The following MIA2 variants were observed in gnomAD, a reference collection of about 807,000 sequenced individuals.
MIA2 encodes MIA SH3 domain ER export factor 2.
In MIA2, 127 loss-of-function variants were observed where a neutral mutation model predicts 167.8. The observed-to-expected ratio is 0.76, with a 90% confidence interval of 0.66 to 0.88. The LOEUF (loss-of-function observed/expected upper bound fraction) is 0.88, where lower values mean the gene tolerates loss of function less well. Among genes scored for constraint, MIA2 ranks in the 40% least tolerant of loss-of-function variants. The pLI is 0.00. For missense variants in MIA2, 1,690 were observed against 1,624.7 expected, an observed-to-expected ratio of 1.04 and a Z score of -0.69; for synonymous variants, 552 against 541.9, an observed-to-expected ratio of 1.02 and a Z score of -0.26.
intron 2 of MIA2, among the ~76,000 whole-genome samples, chr14:39,238,254 C>T (rs1285179929): frequency 6.6e-6 from 1 of 151,360 alleles, no homozygotes; most frequent in East Asian, 2.0e-4. Context: ...CTCACTGCAA[C>T]CTCTACTTCC....
At chr14:39,384,870 G>A (rs1454049188) in intron 23 of MIA2, among the ~76,000 whole-genome samples, 1 of 152,160 alleles carries the variant, frequency 6.6e-6, no homozygotes, top group South Asian at 2.1e-4. Context: ...TGGGAAAAAC[G>A]TGAAAGGATT....
chr14:39,354,816 G>T (rs1023219340), downstream of MIA2, among the ~76,000 whole-genome samples: 4 of 152,160 alleles, frequency 2.6e-5, no homozygotes, highest in African/African-American at 4.8e-5. Flanking sequence ...ATTAAATAGA[G>T]AATCCTTTCC....
chr14:39,316,208 T>A (rs1459407023), intron 21 of MIA2, among the ~76,000 whole-genome samples: 2 of 152,246 alleles, frequency 1.3e-5, no homozygotes, highest in Admixed American at 1.3e-4. Context: ...ATAGTGTATT[T>A]GTGCTCCAGA....
At chr14:39,381,793 A>G (rs1011448216) in intron 23 of MIA2, among the ~76,000 whole-genome samples, 1 of 152,036 alleles carries the variant, frequency 6.6e-6, no homozygotes, top group Non-Finnish European at 1.5e-5. Flanking sequence ...GTCAAACCCA[A>G]TGGGAAAAAG....
chr14:39,342,594 T>A (rs1157823481), intron 25 of MIA2, among the ~76,000 whole-genome samples: 1 of 152,166 alleles, frequency 6.6e-6, no homozygotes, highest in Non-Finnish European at 1.5e-5. Context: ...CACACTGACT[T>A]CCACAATGGT....
chr14:39,243,589 G>A (rs1039962090), intron 3 of MIA2, among the ~76,000 whole-genome samples: 1 of 152,192 alleles, frequency 6.6e-6, no homozygotes, highest in Non-Finnish European at 1.5e-5. Flanking sequence ...AACCAGGCTG[G>A]GGGTGGTGGC....
At chr14:39,304,457 T>C (rs1251072432) in intron 17 of MIA2, 76 bp downstream of exon 17, 3 of 789,000 alleles carry the variant, frequency 3.8e-6, no homozygotes, top group Non-Finnish European at 5.9e-6. Context: ...TAAAAATGAA[T>C]TGAATTAACT....
chr14:39,290,547 T>C (rs1016833846), intron 9 of MIA2, among the ~76,000 whole-genome samples: 3 of 152,214 alleles, frequency 2.0e-5, no homozygotes, highest in African/African-American at 7.2e-5. Flanking sequence ...TTGTATGGTA[T>C]GGATTAAAAG....
chr14:39,246,763 T>C (rs2054334174), intron 3 of MIA2, 148 bp from the exon 4 acceptor site: 1 of 460,442 alleles, frequency 2.2e-6, no homozygotes, highest in Non-Finnish European at 3.8e-6. Context: ...TTGAAGTCAG[T>C]TGTGATACAA....
chr14:39,283,606 T>TG (rs2059243714), intron 9 of MIA2, among the ~76,000 whole-genome samples: 1 of 152,200 alleles, frequency 6.6e-6, no homozygotes. Flanking sequence ...TAGGTAAACT[T>TG]GCGTCCTGGG....
chr14:39,381,365 A>G (rs1239966613), intron 23 of MIA2, among the ~76,000 whole-genome samples: 2 of 152,254 alleles, frequency 1.3e-5, no homozygotes, highest in Non-Finnish European at 2.9e-5. Flanking sequence ...ACATCTTGAT[A>G]GCAGCTTTTA....
In MIA2 at chr14:39,347,707, G is replaced by A. The variant is rs745422893; in HGVS notation, c.3779-6G>A. The A allele has an allele frequency of 6.8e-6, 11 of 1,608,904 alleles. No individual in the cohort carries two copies. Among genetic ancestry groups the A allele is most frequent in the South Asian group, 1.1e-5 (1 of 90,800 alleles). On this transcript the variant is annotated splice_polypyrimidine_tract_variant and splice_region_variant and intron_variant, in intron 26 of 28. Transcript: ENST00000640607. The stretch of plus-strand genomic sequence containing the variant: ...GTACTTTTCATGGTTTAACTTTTAT[G>A]TCTAGATGGGTCAATGCCTTCAGAA...
rs375093730 is a variant in MIA2, at chr14:39,346,322, T to A, written c.3778+296T>A. Among the ~76,000 whole-genome samples the A allele has an allele frequency of 3.7e-4, 56 of 152,316 alleles. No homozygotes were observed. In the South Asian group the frequency reaches 0.011, roughly 30 times the overall value. ...TTCTAATTTTTCTAGTCCACTTACA[T>A]GTGTTCTGTTTAGTAATCAGGGAAA... On this transcript the variant is annotated intron_variant, in intron 26 of 28. Coordinates refer to ENST00000640607, the MANE Select transcript of MIA2 (RefSeq NM_001329214.4).
chr14:39,362,955 A>G (rs974526735), intron 23 of MIA2, among the ~76,000 whole-genome samples: 1 of 152,066 alleles, frequency 6.6e-6, no homozygotes, highest in African/African-American at 2.4e-5. Context: ...TCATTTAGGA[A>G]CATGTCATTT....
intron 9 of MIA2, among the ~76,000 whole-genome samples, chr14:39,288,708 G>C (rs146433277): frequency 6.6e-6 from 1 of 150,676 alleles, no homozygotes; most frequent in African/African-American, 2.4e-5. Context: ...TGATCTGTCC[G>C]CCTCGGCCTC....
intron 25 of MIA2, among the ~76,000 whole-genome samples, chr14:39,337,921 C>T (rs2070816841): frequency 6.6e-6 from 1 of 152,018 alleles, no homozygotes. Context: ...CAGGGTTTTG[C>T]CATTTTAGCC....
At chr14:39,365,316 T>C (rs555671122) in intron 23 of MIA2, among the ~76,000 whole-genome samples, 1 of 152,306 alleles carries the variant, frequency 6.6e-6, no homozygotes, top group South Asian at 2.1e-4. Context: ...TCTGCCTGCC[T>C]CAGCCTCTCA....
intron 23 of MIA2, among the ~76,000 whole-genome samples, chr14:39,373,449 A>G (rs567420885): frequency 2.4e-4 from 36 of 152,294 alleles, no homozygotes; most frequent in Non-Finnish European, 4.4e-4. Context: ...GAAAGATAAA[A>G]GAATAAAAGC....
intron 6 of MIA2, among the ~76,000 whole-genome samples, chr14:39,259,229 G>A (rs997091159): frequency 1.3e-5 from 2 of 152,204 alleles, no homozygotes; most frequent in African/African-American, 4.8e-5. Context: ...CTGTCCCAGG[G>A]AAATGGGGGT....
Sources: allele counts gnomAD v4.1 joint callset (sites outside exome capture counted in the v4.1 genomes callset), GRCh38; gene constraint gnomAD v4.1.1; transcripts MANE v1.5; gene names NCBI Gene and HGNC (gene_info 2026-07-23, HGNC 2026-07-21).